ZNF536: variants seen among roughly 807,000 people sequenced by gnomAD.
The protein encoded by ZNF536 is zinc finger protein 536.
ZNF536 carries 13 observed loss-of-function variants against 84.5 expected under a neutral mutation model. That is an observed-to-expected ratio of 0.15 (90% CI 0.10 to 0.24). The LOEUF (loss-of-function observed/expected upper bound fraction) is 0.24. Among genes scored for constraint, ZNF536 ranks in the 10% least tolerant of loss-of-function variants. The pLI, the probability that ZNF536 is intolerant of heterozygous loss-of-function variation, is 1.00. For synonymous variants in ZNF536, 811 were observed against 742.5 expected (o/e 1.09, Z -1.50); for missense variants, 1,536 against 1,747.5 (o/e 0.88, Z 2.16).
At chr19:30,369,441 A>G (rs763415639), upstream of ZNF536, among the ~76,000 whole-genome samples, 1 of 152,204 alleles carries the variant, frequency 6.6e-6, no homozygotes, top group Non-Finnish European at 1.5e-5. Flanking sequence ...ATGAAACATG[A>G]ATGCATTAAA....
chr19:30,453,273 T>A (rs947471126), intron 2 of ZNF536, among the ~76,000 whole-genome samples: 1 of 152,166 alleles, frequency 6.6e-6, no homozygotes, highest in Non-Finnish European at 1.5e-5. Context: ...TGAGCCGGGC[T>A]GGGTTTCCCT....
intron 2 of ZNF536, among the ~76,000 whole-genome samples, chr19:30,286,814 T>C (rs977713189): frequency 6.6e-6 from 1 of 152,224 alleles, no homozygotes; most frequent in Non-Finnish European, 1.5e-5. Flanking sequence ...ATAAAGCTTC[T>C]GTCATAAAAA....
intron 1 of ZNF536, among the ~76,000 whole-genome samples, chr19:30,645,789 G>A (rs1471861331): frequency 1.3e-5 from 2 of 152,200 alleles, no homozygotes; most frequent in Non-Finnish European, 2.9e-5. Flanking sequence ...AGCGGATGGC[G>A]CCACCCTGCA....
At chr19:30,527,129 G>A (rs1465234997) in intron 2 of ZNF536, among the ~76,000 whole-genome samples, 2 of 151,290 alleles carry the variant, frequency 1.3e-5, no homozygotes, top group African/African-American at 4.9e-5. Flanking sequence ...ATATTGGCCA[G>A]GTTGGTCTCG....
At chr19:30,343,558 A>G (rs2047632187) in intron 2 of ZNF536, among the ~76,000 whole-genome samples, 1 of 152,206 alleles carries the variant, frequency 6.6e-6, no homozygotes, top group Non-Finnish European at 1.5e-5. Flanking sequence ...GAGGTGTTCC[A>G]GGGCTACTAA....
At chr19:30,708,008 C>CAAA (rs60270540) in intron 1 of ZNF536, among the ~76,000 whole-genome samples, 31,060 of 102,192 alleles carry the variant, frequency 0.3, 4,338 homozygotes, top group East Asian at 0.46. Context: ...GAGACTCCAT[C>CAAA]AAAAAAAAAA....
intron 2 of ZNF536, among the ~76,000 whole-genome samples, chr19:30,294,360 G>A (rs930905130): frequency 6.6e-6 from 1 of 152,210 alleles, no homozygotes; most frequent in African/African-American, 2.4e-5. Context: ...GTGGATGTGT[G>A]TGTATTATTT....
At chr19:30,254,655 A>G (rs1246957315) in intron 1 of ZNF536, among the ~76,000 whole-genome samples, 8 of 151,482 alleles carry the variant, frequency 5.3e-5, no homozygotes, top group Non-Finnish European at 1.2e-4. Context: ...TGAAAATGTG[A>G]CATTTGTTTT....
chr19:30,478,822 GC>G, intron 2 of ZNF536, among the ~76,000 whole-genome samples: 1 of 152,270 alleles, frequency 6.6e-6, no homozygotes, highest in Non-Finnish European at 1.5e-5. Flanking sequence ...CTTATTCTGT[GC>G]CCATCTGAAC....
chr19:30,453,576 G>C (rs2052706218), intron 2 of ZNF536, among the ~76,000 whole-genome samples: 1 of 152,218 alleles, frequency 6.6e-6, no homozygotes, highest in Non-Finnish European at 1.5e-5. Context: ...AAATGTGCCT[G>C]TGAGACAGGA....
intron 2 of ZNF536, among the ~76,000 whole-genome samples, chr19:30,517,736 C>A (rs2044142861): frequency 6.6e-6 from 1 of 152,088 alleles, no homozygotes; most frequent in South Asian, 2.1e-4. Flanking sequence ...GAGCCATGAT[C>A]ACACCACTGC....
chr19:30,275,965 C>T (rs2026108517), intron 1 of ZNF536, among the ~76,000 whole-genome samples: 2 of 152,130 alleles, frequency 1.3e-5, no homozygotes, highest in East Asian at 1.9e-4. Context: ...AGTATCTCCC[C>T]TCTCCCTTCA....
intron 2 of ZNF536, among the ~76,000 whole-genome samples, chr19:30,348,471 A>G (rs2047820153): frequency 6.6e-6 from 1 of 151,912 alleles, no homozygotes; most frequent in Non-Finnish European, 1.5e-5. Context: ...CTCCCTCTCT[A>G]CTTTTTCTCC....
At chr19:30,667,921 G>A (rs930266835) in intron 1 of ZNF536, among the ~76,000 whole-genome samples, 1 of 152,046 alleles carries the variant, frequency 6.6e-6, no homozygotes, top group South Asian at 2.1e-4. Flanking sequence ...ATGGGGAAAC[G>A]CAGGCTCAGA....
At chr19:30,416,508 G>A (rs1428059062) in intron 1 of ZNF536, among the ~76,000 whole-genome samples, 1 of 152,078 alleles carries the variant, frequency 6.6e-6, no homozygotes, top group African/African-American at 2.4e-5. Context: ...CTCTTACTGT[G>A]GAGGGTTCTG....
At chr19:30,517,224 A>G (rs2044117017) in intron 2 of ZNF536, among the ~76,000 whole-genome samples, 1 of 152,210 alleles carries the variant, frequency 6.6e-6, no homozygotes, top group African/African-American at 2.4e-5. Flanking sequence ...ACCTGACCCC[A>G]CAATCATCAC....
chr19:30,466,810 A>AAGGG (rs1568460370), intron 2 of ZNF536, among the ~76,000 whole-genome samples: 1 of 147,154 alleles, frequency 6.8e-6, no homozygotes, highest in Non-Finnish European at 1.5e-5. Context: ...GGAAGGAAGG[A>AAGGG]AGGGAAGGAA....
In ZNF536 at chr19:30,677,669, TG is replaced by T. The variant is rs146238690; in HGVS notation, c.170-33087del. Reference sequence around the variant, plus strand: ...GATACAGATAACTGCACTGTTTTTGTGAATTATATGTAATTGTAGAGACTGG... The same window carrying T: ...GATACAGATAACTGCACTGTTTTTGTAATTATATGTAATTGTAGAGACTGG... On this transcript the variant is annotated intron_variant, in intron 1 of 1. Coordinates refer to the ZNF536 transcript ENST00000592773. Among the ~76,000 whole-genome samples, 881 of 152,372 alleles carry T rather than the reference TG, an allele frequency of 5.8e-3. 6 individuals are homozygous for T. Among genetic ancestry groups the T allele is most frequent in the African/African-American group, 0.02 (843 of 41,592 alleles).
At chr19:30,679,168 T>C (rs908643089) in intron 1 of ZNF536, among the ~76,000 whole-genome samples, 3 of 152,176 alleles carry the variant, frequency 2.0e-5, no homozygotes, top group African/African-American at 7.2e-5. Context: ...GTCGGTTCAA[T>C]ACAGGCTCAG....
Sources: gnomAD v4.1 joint callset for allele counts (sites outside exome capture counted in the v4.1 genomes callset) on GRCh38, gnomAD v4.1.1 for gene constraint, MANE v1.5 for transcripts, NCBI Gene and HGNC (gene_info 2026-07-23, HGNC 2026-07-21) for gene names.